OTOGL: variants seen among roughly 807,000 people sequenced by gnomAD.
OTOGL encodes otogelin like.
A neutral mutation model predicts 318.5 loss-of-function variants in OTOGL; 285 were observed. That is an observed-to-expected ratio of 0.89 (90% CI 0.81 to 0.99). The LOEUF (loss-of-function observed/expected upper bound fraction) is 0.99. Among genes scored for constraint, OTOGL ranks in the 50% least tolerant of loss-of-function variants. The probability of loss-of-function intolerance (pLI) is 0.00; values close to 1 mark genes in which losing one functional copy is unlikely to be tolerated. For synonymous variants in OTOGL, 987 were observed against 936.5 expected (o/e 1.05, Z -0.99); for missense variants, 2,899 against 2,845.6 (o/e 1.02, Z -0.43).
intron 1 of OTOGL, among the ~76,000 whole-genome samples, chr12:80,105,189 G>C (rs1869385607): frequency 6.6e-6 from 1 of 152,066 alleles, no homozygotes; most frequent in Non-Finnish European, 1.5e-5. Context: ...TCCTATCTTT[G>C]GGTAAAATTC....
chr12:80,336,266 T>G, intron 39 of OTOGL, 126 bp downstream of exon 39: 1 of 1,349,066 alleles, frequency 7.4e-7, no homozygotes, highest in Non-Finnish European at 9.7e-7. Flanking sequence ...TGATTTGATT[T>G]ATGATTTTGG....
At chr12:80,364,898 A>G (rs941916304) in intron 52 of OTOGL, among the ~76,000 whole-genome samples, 2 of 152,126 alleles carry the variant, frequency 1.3e-5, no homozygotes, top group Admixed American at 1.3e-4. Flanking sequence ...TCATTTAAAT[A>G]CAAATCAGAA....
chr12:80,154,269 A>G (rs1043985080), intron 1 of OTOGL, among the ~76,000 whole-genome samples: 1 of 152,146 alleles, frequency 6.6e-6, no homozygotes, highest in South Asian at 2.1e-4. Context: ...AGATCATGCC[A>G]CTGCACTCCA....
At chr12:80,112,709 C>CT (rs144605517) in intron 1 of OTOGL, among the ~76,000 whole-genome samples, 5,303 of 140,200 alleles carry the variant, frequency 0.038, 138 homozygotes, top group South Asian at 0.091. Flanking sequence ...AATTTTCTTT[C>CT]TTTTTTTTTT....
chr12:80,213,358 T>C (rs1198064318), intron 4 of OTOGL, among the ~76,000 whole-genome samples: 1 of 152,204 alleles, frequency 6.6e-6, no homozygotes. Flanking sequence ...ATCTTGGTTT[T>C]GGCAGGATTG....
chr12:80,152,772 T>C (rs1313380658), intron 1 of OTOGL, among the ~76,000 whole-genome samples: 1 of 152,150 alleles, frequency 6.6e-6, no homozygotes, highest in Non-Finnish European at 1.5e-5. Flanking sequence ...CACTGCAACC[T>C]CCACCTCCCG....
At chr12:80,301,025 C>T (rs1288585684) in intron 27 of OTOGL, among the ~76,000 whole-genome samples, 1 of 152,062 alleles carries the variant, frequency 6.6e-6, no homozygotes, top group African/African-American at 2.4e-5. Flanking sequence ...ACTGAAAACT[C>T]CTTATGGATA....
intron 1 of OTOGL, among the ~76,000 whole-genome samples, chr12:80,157,106 T>C (rs936170564): frequency 2.0e-5 from 3 of 152,192 alleles, no homozygotes; most frequent in Admixed American, 2.0e-4. Flanking sequence ...GCATTTGTTA[T>C]TGCTTGTTTT....
chr12:80,232,208 G>T (rs918308280), intron 8 of OTOGL, among the ~76,000 whole-genome samples: 2 of 152,048 alleles, frequency 1.3e-5, no homozygotes, highest in Non-Finnish European at 2.9e-5. Context: ...AGCCCAAAAG[G>T]TATCCAATTT....
chr12:80,360,727 G>A (rs1205033477), intron 52 of OTOGL, among the ~76,000 whole-genome samples: 2 of 151,754 alleles, frequency 1.3e-5, no homozygotes, highest in African/African-American at 2.4e-5. Flanking sequence ...TGATCTGCTC[G>A]CCTTGGACTC....
chr12:80,163,737 A>T (rs1334718034), intron 1 of OTOGL, among the ~76,000 whole-genome samples: 1 of 151,978 alleles, frequency 6.6e-6, no homozygotes, highest in Non-Finnish European at 1.5e-5. Context: ...TTCTTTTGGG[A>T]TCAATGGGCC....
At chr12:80,289,584 A>G (rs1033140299) in intron 26 of OTOGL, among the ~76,000 whole-genome samples, 1 of 152,176 alleles carries the variant, frequency 6.6e-6, no homozygotes, top group Non-Finnish European at 1.5e-5. Context: ...TCTTTCAGAG[A>G]TGTCCTGCCC....
chr12:80,120,409 A>T (rs1175282295), intron 1 of OTOGL, among the ~76,000 whole-genome samples: 1 of 152,176 alleles, frequency 6.6e-6, no homozygotes, highest in Non-Finnish European at 1.5e-5. Flanking sequence ...ATTAAAAAAA[A>T]GTTACATACC....
Position 80,257,996 on chromosome 12 carries a change from A to T in OTOGL, c.1883A>T (p.Asp628Val), listed in dbSNP as rs748870537. 6.3e-7 allele frequency: 1 copy of T among 1,578,062 alleles called. No homozygotes were observed. The highest frequency in any genetic ancestry group is 1.2e-5 in the South Asian group (1 of 86,764). The change falls in exon 18 of 59, where the codon GAT becomes GTT. Residue 628 changes from aspartate to valine, a missense_variant. Asp to Val is a radical substitution (Grantham distance 152). Transcript: ENST00000547103. The part of the protein sequence containing the change: ...CGTFNGNIRD[D>V]FLSPSGMIEG... ...ACTTTTAATGGCAACATAAGGGATG[A>T]TTTTCTGTAAGTATGATTTCTGCAT...
rs1030518537 is a variant in OTOGL at position 80,378,762 on chromosome 12, T to G, written c.*714T>G. 6.6e-4 allele frequency: 101 copies of G among 152,144 alleles called. No individual in the cohort carries two copies. The highest frequency in any genetic ancestry group is 2.3e-3 in the African/African-American group (94 of 41,564). 9.4% of individuals were successfully genotyped at this position (152,144 alleles called of 1,614,324 possible). On this transcript the variant is annotated 3_prime_UTR_variant, in exon 59 of 59. Coordinates refer to ENST00000547103, the MANE Select transcript of OTOGL (RefSeq NM_001378609.3). ...AGTATATCACAGAATCTTTCATTCTTAAAGAGTTTGCATTGGATAGAATTA... is the reference window on the plus strand; with the variant it reads ...AGTATATCACAGAATCTTTCATTCTGAAAGAGTTTGCATTGGATAGAATTA...
intron 1 of OTOGL, among the ~76,000 whole-genome samples, chr12:80,159,472 TG>T (rs1385498440): frequency 1.3e-5 from 2 of 152,094 alleles, no homozygotes; most frequent in African/African-American, 4.8e-5. Flanking sequence ...GGACTTTTTT[TG>T]GTTGGTCTTT....
intron 35 of OTOGL, among the ~76,000 whole-genome samples, chr12:80,326,554 A>T (rs925966468): frequency 1.3e-5 from 2 of 152,236 alleles, no homozygotes; most frequent in African/African-American, 4.8e-5. Flanking sequence ...TTGTTTGCAT[A>T]AAAATTGATT....
intron 31 of OTOGL, 41 bp from the exon 32 acceptor site, chr12:80,314,264 A>C (rs767719443): frequency 1.3e-6 from 1 of 752,646 alleles, no homozygotes; most frequent in Non-Finnish European, 1.8e-6. Context: ...TAAGTGATTG[A>C]CTTCTTACAT....
At chr12:80,146,862 T>A (rs1463907757) in intron 1 of OTOGL, among the ~76,000 whole-genome samples, 1 of 152,108 alleles carries the variant, frequency 6.6e-6, no homozygotes, top group Non-Finnish European at 1.5e-5. Context: ...GTTTGTAGTA[T>A]TCTCTGATGG....
Sources: allele counts gnomAD v4.1 joint callset (sites outside exome capture counted in the v4.1 genomes callset), GRCh38; gene constraint gnomAD v4.1.1; transcripts MANE v1.5; gene names NCBI Gene and HGNC (gene_info 2026-07-23, HGNC 2026-07-21).